The following XYLB variants were observed in gnomAD, a reference collection of about 807,000 sequenced individuals.
XYLB encodes xylulokinase, also known as xylulose kinase.
Under a neutral mutation model 78.7 loss-of-function variants are expected in XYLB, and 62 were observed. The observed-to-expected ratio is 0.79, with a 90% CI of 0.64 to 0.97. The LOEUF (loss-of-function observed/expected upper bound fraction) is 0.97. Among genes scored for constraint, XYLB ranks in the 50% least tolerant of loss-of-function variants. XYLB has a pLI of 0.00. For synonymous variants in XYLB, 245 were observed against 247.4 expected (o/e 0.99, Z 0.09); for missense variants, 687 against 676.8 (o/e 1.02, Z -0.17).
chr3:38,348,432 G>A (rs567406644), intron 1 of XYLB, 118 bp from the exon 2 acceptor site: 62 of 847,688 alleles, frequency 7.3e-5, no homozygotes, highest in Non-Finnish European at 3.8e-6. Context: ...CCTTCAAGGA[G>A]GTCTCTAGGT....
At chr3:38,444,864 G>T in the XYLB span, among the ~76,000 whole-genome samples, 3 of 149,562 alleles carry the variant, frequency 2.0e-5, no homozygotes, top group African/African-American at 7.4e-5. Flanking sequence ...CAGAATAGTT[G>T]TACTCACTGA....
chr3:38,403,868 C>A (rs1400654104), intron 18 of XYLB, among the ~76,000 whole-genome samples: 2 of 152,070 alleles, frequency 1.3e-5, no homozygotes, highest in African/African-American at 2.4e-5. Context: ...ACTCATGGAA[C>A]CCTTTACCAT....
chr3:38,404,124 A>T (rs1406726788), intron 18 of XYLB, among the ~76,000 whole-genome samples: 1 of 152,218 alleles, frequency 6.6e-6, no homozygotes, highest in East Asian at 1.9e-4. Context: ...CAGTTTCTCC[A>T]TGAGGAGAAA....
In XYLB at chr3:38,363,022, G is replaced by A. The variant is rs771445744; in HGVS notation, c.291+5G>A. The A allele has an allele frequency of 1.9e-5, 29 of 1,540,030 alleles. No individual in the cohort carries two copies. Among genetic ancestry groups the A allele is most frequent in the South Asian group, 1.5e-4 (12 of 81,118 alleles). ...GCCTTGTCCGGGGCGGGCCAGGTTC[G>A]TTTGCAGCAGACTCTGTCTGCCATG... On this transcript the variant is annotated splice_donor_5th_base_variant and intron_variant, in intron 4 of 18. Transcript: ENST00000207870.
At chr3:38,437,215 A>G in the XYLB span, among the ~76,000 whole-genome samples, 8,177 of 152,132 alleles carry the variant, frequency 0.054, 745 homozygotes, top group African/African-American at 0.19. Context: ...ATAAAATTCA[A>G]CATCCCTTCA....
Position 38,363,009 on chromosome 3 carries a change from G to T in XYLB, c.283G>T (p.Ala95Ser). 6.4e-7 allele frequency: 1 copy of T among 1,557,270 alleles called. No homozygotes were observed. The highest frequency in any genetic ancestry group is 1.2e-5 in the South Asian group (1 of 83,518). Residue 95 changes from alanine (A) to serine (S), a missense_variant, in exon 4 of 19, where the codon GCG becomes TCG. Ala to Ser is a moderately conservative substitution (Grantham distance 99). Transcript: ENST00000207870. ...DFSQVLALSG[A>S]GQQHGSIYWK... ...CTCTCAAGTCCTAGCCTTGTCCGGG[G>T]CGGGCCAGGTTCGTTTGCAGCAGAC...
chr3:38,378,050 T>G (rs1440212165), intron 14 of XYLB, among the ~76,000 whole-genome samples: 1 of 151,754 alleles, frequency 6.6e-6, no homozygotes, highest in Non-Finnish European at 1.5e-5. Context: ...AAATGGGGGG[T>G]TTATGTAAGA....
At chr3:38,355,354 G>C (rs1440091540) in intron 2 of XYLB, among the ~76,000 whole-genome samples, 3 of 152,256 alleles carry the variant, frequency 2.0e-5, no homozygotes, top group African/African-American at 4.8e-5. Flanking sequence ...GCAGATGTAT[G>C]AGTGAGCCCA....
intron 3 of XYLB, among the ~76,000 whole-genome samples, chr3:38,361,489 G>A (rs1016441218): frequency 1.3e-5 from 2 of 152,048 alleles, no homozygotes; most frequent in African/African-American, 4.8e-5. Flanking sequence ...TTGGGGTAAA[G>A]GATGGATTTT....
chr3:38,368,109 T>TG, intron 7 of XYLB, 76 bp from the exon 8 acceptor site: 1 of 1,407,410 alleles, frequency 7.1e-7, no homozygotes, highest in Non-Finnish European at 1.0e-6. Context: ...TTTTCATGCT[T>TG]TGTGTGTGTC....
At chr3:38,441,843 C>T in the XYLB span, among the ~76,000 whole-genome samples, 1 of 152,170 alleles carries the variant, frequency 6.6e-6, no homozygotes, top group African/African-American at 2.4e-5. Context: ...GGTTGTCCCA[C>T]GAGTCTGAGT....
chr3:38,417,584 C>T (rs770822377), downstream of XYLB, among the ~76,000 whole-genome samples: 8 of 152,012 alleles, frequency 5.3e-5, no homozygotes, highest in Non-Finnish European at 1.0e-4. Flanking sequence ...CATAGTTGCT[C>T]AAAAGACAGT....
chr3:38,370,242 A>G lies in XYLB; in HGVS notation c.765+68A>G, dbSNP rs564435167. 1.4e-3 allele frequency: 1,000 copies of G among 713,596 alleles called. 4 individuals carry two copies. The Middle Eastern group carries it at 0.03, about 21-fold the overall frequency. The allele number at this position is 713,596 out of a possible 1,614,324, so 44.2% of individuals were successfully genotyped here. ...AGCTACCAGGGAAGCACTGTAGCGC[A>G]CACACACACACACACACACACACAC... is the stretch of plus-strand genomic sequence containing the variant. On this transcript the variant is annotated intron_variant, in intron 9 of 18. Coordinates refer to ENST00000207870, the MANE Select transcript of XYLB (RefSeq NM_005108.4).
chr3:38,411,047 C>A, intron 18 of XYLB, among the ~76,000 whole-genome samples: 1 of 151,904 alleles, frequency 6.6e-6, no homozygotes, highest in African/African-American at 2.4e-5. Flanking sequence ...ACCCAAAGGA[C>A]TATAAATCAT....
chr3:38,381,139 A>G (rs912862620), intron 15 of XYLB, among the ~76,000 whole-genome samples: 1 of 152,236 alleles, frequency 6.6e-6, no homozygotes. Flanking sequence ...GGCTGAAGCC[A>G]TGGCAGAAGA....
intron 6 of XYLB, 123 bp downstream of exon 6, chr3:38,365,859 C>T: frequency 7.2e-7 from 1 of 1,392,000 alleles, no homozygotes; most frequent in Non-Finnish European, 9.5e-7. Context: ...CAGCAACAGG[C>T]ACTCTGGCCC....
chr3:38,376,343 G>A (rs1706855573), intron 13 of XYLB, 111 bp downstream of exon 13: 4 of 734,142 alleles, frequency 5.4e-6, no homozygotes, highest in Non-Finnish European at 9.8e-6. Flanking sequence ...GAGAAGTCCA[G>A]GGGAGTCCTG....
the XYLB span, among the ~76,000 whole-genome samples, chr3:38,435,829 A>G: frequency 6.6e-5 from 10 of 152,184 alleles, no homozygotes; most frequent in Admixed American, 2.0e-4. Flanking sequence ...ATTAAACAAC[A>G]TGCTCCTGAA....
chr3:38,422,302 A>T (rs1709004046), downstream of XYLB, among the ~76,000 whole-genome samples: 1 of 152,216 alleles, frequency 6.6e-6, no homozygotes, highest in Admixed American at 6.5e-5. Context: ...CAGAGCCAGG[A>T]GAGTGTATAG....
Sources: allele counts gnomAD v4.1 joint callset (sites outside exome capture counted in the v4.1 genomes callset), GRCh38; gene constraint gnomAD v4.1.1; transcripts MANE v1.5; gene names NCBI Gene and HGNC (gene_info 2026-07-23, HGNC 2026-07-21).